The following PCBD2 variants were observed in gnomAD, a reference collection of about 807,000 sequenced individuals.
PCBD2 encodes pterin-4 alpha-carbinolamine dehydratase 2, also known as pterin-4-alpha-carbinolamine dehydratase 2.
PCBD2 carries 12 observed loss-of-function variants against 16.4 expected under a neutral mutation model. The ratio of observed to expected loss-of-function variants is 0.73; its 90% CI spans 0.47 to 1.19. PCBD2 has a LOEUF of 1.19. PCBD2 is among the 50% of genes most tolerant of loss of function. The pLI is 0.00. For synonymous variants in PCBD2, 58 were observed against 61.8 expected, an observed-to-expected ratio of 0.94 and a Z score of 0.29; for missense variants, 138 against 156.8, an observed-to-expected ratio of 0.88 and a Z score of 0.64.
intron 2 of PCBD2, among the ~76,000 whole-genome samples, chr5:134,947,523 C>CT (rs1751310020): frequency 6.6e-6 from 1 of 150,462 alleles, no homozygotes; most frequent in African/African-American, 2.4e-5. Context: ...GAGTAGGTGG[C>CT]ACTACAGGTG....
chr5:134,919,435 C>A (rs190232161), intron 2 of PCBD2, among the ~76,000 whole-genome samples: 86 of 151,996 alleles, frequency 5.7e-4, no homozygotes, highest in African/African-American at 2.0e-3. Context: ...CATATAAGTA[C>A]CATAATTATT....
At chr5:134,928,506 C>T (rs1561910633) in intron 2 of PCBD2, 3 of 298,244 alleles carry the variant, frequency 1.0e-5, no homozygotes, top group Non-Finnish European at 1.9e-5. Context: ...GTTTGTAGGG[C>T]TCATGGCAAG....
intron 2 of PCBD2, chr5:134,928,031 TA>T: frequency 2.5e-6 from 1 of 395,348 alleles, no homozygotes; most frequent in Non-Finnish European, 4.5e-6. Flanking sequence ...CAATTAGTTT[TA>T]GCATTGGAGT....
At chr5:134,958,807 T>C (rs908349508) in intron 2 of PCBD2, among the ~76,000 whole-genome samples, 4 of 152,164 alleles carry the variant, frequency 2.6e-5, no homozygotes, top group African/African-American at 9.7e-5. Flanking sequence ...GTGAGACCAA[T>C]TTCCTGGTTT....
At chr5:134,925,146 T>A (rs111447907) in intron 2 of PCBD2, 2 of 397,846 alleles carry the variant, frequency 5.0e-6, no homozygotes, top group Non-Finnish European at 8.9e-6. Context: ...TAGTGAGGGC[T>A]GGGAAGCGAG....
intron 2 of PCBD2, among the ~76,000 whole-genome samples, chr5:134,913,289 A>AG (rs1750789710): frequency 6.6e-6 from 1 of 152,170 alleles, no homozygotes; most frequent in African/African-American, 2.4e-5. Context: ...ATTGGAGTGG[A>AG]GGGGGACAGA....
At chr5:134,912,139 G>A (rs1054055399) in intron 2 of PCBD2, among the ~76,000 whole-genome samples, 4 of 152,132 alleles carry the variant, frequency 2.6e-5, no homozygotes, top group Non-Finnish European at 5.9e-5. Context: ...ATTCACTGGG[G>A]CATTTAATTA....
chr5:134,929,359 A>G (rs1034056107), intron 2 of PCBD2, among the ~76,000 whole-genome samples: 1 of 152,040 alleles, frequency 6.6e-6, no homozygotes, highest in African/African-American at 2.4e-5. Flanking sequence ...AAAAAAAAAA[A>G]AAAAAGGGAA....
intron 2 of PCBD2, among the ~76,000 whole-genome samples, chr5:134,958,413 G>A (rs1474526644): frequency 6.6e-6 from 1 of 152,192 alleles, no homozygotes; most frequent in Non-Finnish European, 1.5e-5. Flanking sequence ...CCTGAGGTGG[G>A]TGCACTGTCA....
intron 2 of PCBD2, among the ~76,000 whole-genome samples, chr5:134,955,309 GTT>G (rs201125597): frequency 9.9e-5 from 13 of 131,064 alleles, no homozygotes; most frequent in African/African-American, 1.7e-4. Flanking sequence ...AGCAACAATG[GTT>G]TTTTTTTTTT....
intron 2 of PCBD2, chr5:134,925,094 G>A (rs539232681): frequency 5.8e-4 from 232 of 396,826 alleles, no homozygotes; most frequent in Non-Finnish European, 7.7e-4. Flanking sequence ...ATTGTTAGGC[G>A]TTTAATGGGG....
At chr5:134,945,397 CT>C (rs1355027923) in intron 2 of PCBD2, among the ~76,000 whole-genome samples, 2 of 152,082 alleles carry the variant, frequency 1.3e-5, no homozygotes, top group East Asian at 3.9e-4. Flanking sequence ...AACAAATGAT[CT>C]TGTTTATATA....
intron 2 of PCBD2, among the ~76,000 whole-genome samples, chr5:134,952,723 G>T (rs868696062): frequency 6.6e-6 from 1 of 151,760 alleles, no homozygotes; most frequent in African/African-American, 2.4e-5. Flanking sequence ...GATGGATCCC[G>T]TGAGCCCAGG....
intron 2 of PCBD2, among the ~76,000 whole-genome samples, chr5:134,913,495 G>C (rs925008318): frequency 1.3e-5 from 2 of 152,214 alleles, no homozygotes; most frequent in African/African-American, 4.8e-5. Context: ...GTGTGGAGTG[G>C]AGCAGGCGAG....
At chr5:134,948,690 T>C (rs1751326500) in intron 2 of PCBD2, among the ~76,000 whole-genome samples, 1 of 151,500 alleles carries the variant, frequency 6.6e-6, no homozygotes, top group Non-Finnish European at 1.5e-5. Context: ...TAGGCTATTA[T>C]GGCAATTGCC....
intron 2 of PCBD2, among the ~76,000 whole-genome samples, chr5:134,953,946 T>G (rs1751387292): frequency 6.6e-6 from 1 of 152,150 alleles, no homozygotes; most frequent in African/African-American, 2.4e-5. Flanking sequence ...TCAGTCCTAG[T>G]GCTTATGTTT....
chr5:134,960,795 G>GTC lies in PCBD2; in HGVS notation c.*115_*116insCT. The GTC allele has an allele frequency of 1.1e-6, 1 of 883,942 alleles. No homozygotes were observed. The highest frequency in any genetic ancestry group is 1.7e-6 in the Non-Finnish European group (1 of 574,362). The allele number at this position is 883,942 out of a possible 1,614,324, so 54.8% of individuals were successfully genotyped here. On this transcript the variant is annotated 3_prime_UTR_variant, in exon 4 of 4. Coordinates refer to ENST00000254908, the MANE Select transcript of PCBD2 (RefSeq NM_032151.5). ...TTTTCTCTTTTTTTTAAGACAGAGTGTTGCTCTGTCGCCCAGGCCAGAGTG... is the reference window on the plus strand; with the variant it reads ...TTTTCTCTTTTTTTTAAGACAGAGTGTCTTGCTCTGTCGCCCAGGCCAGAGTG...
intron 2 of PCBD2, among the ~76,000 whole-genome samples, chr5:134,917,287 G>A (rs761055367): frequency 1.3e-5 from 2 of 152,250 alleles, no homozygotes; most frequent in Non-Finnish European, 2.9e-5. Context: ...GCCCAGCCGG[G>A]CCAGGCGGCA....
At position 134,905,168 on chromosome 5, in the gene PCBD2, C is replaced by T; in HGVS notation, c.29C>T (p.Ala10Val). The T allele has an allele frequency of 8.2e-7, 1 of 1,222,776 alleles. No individual in the cohort carries two copies. The highest frequency in any genetic ancestry group is 1.6e-5 in the African/African-American group (1 of 64,000). 75.7% of individuals were successfully genotyped at this position (1,222,776 alleles called of 1,614,324 possible). ...GCGGCGGTGCTCGGGGCGCTCGGGG[C>T]GACGCGGCGCTTGTTGGCGGCGCTG... MAAVLGALG[A>V]TRRLLAALRG... The change falls in exon 1 of 4, where the codon GCG becomes GTG. Residue 10 changes from alanine (A) to valine (V), a missense_variant. Ala to Val is a moderately conservative substitution (Grantham distance 64, BLOSUM62 0). Coordinates refer to ENST00000254908, the MANE Select transcript of PCBD2 (RefSeq NM_032151.5).
Sources: allele counts gnomAD v4.1 joint callset (sites outside exome capture counted in the v4.1 genomes callset), GRCh38; gene constraint gnomAD v4.1.1; transcripts MANE v1.5; gene names NCBI Gene and HGNC (gene_info 2026-07-23, HGNC 2026-07-21).